The following KDM2B variants were observed in gnomAD, a reference collection of about 807,000 sequenced individuals.
The protein encoded by KDM2B is lysine demethylase 2B.
In KDM2B, 26 loss-of-function variants were observed where a neutral mutation model predicts 150.0. The ratio of observed to expected loss-of-function variants is 0.17; its 90% CI spans 0.13 to 0.24. The LOEUF is 0.24. Among genes scored for constraint, KDM2B ranks in the 10% least tolerant of loss-of-function variants. The pLI is 1.00. For missense variants in KDM2B, 1,265 were observed against 1,816.9 expected, an observed-to-expected ratio of 0.70 and a Z score of 5.52; for synonymous variants, 734 against 729.5, an observed-to-expected ratio of 1.01 and a Z score of -0.10.
At chr12:121,448,411 G>A (rs769276567) in intron 13 of KDM2B, among the ~76,000 whole-genome samples, 8 of 149,768 alleles carry the variant, frequency 5.3e-5, no homozygotes, top group South Asian at 2.1e-4. Flanking sequence ...TTTCTAATAC[G>A]GTCAATATTA....
chr12:121,443,541 G>C, intron 17 of KDM2B, 139 bp downstream of exon 17: 1 of 654,390 alleles, frequency 1.5e-6, no homozygotes, highest in Non-Finnish European at 2.7e-6. Context: ...CCAGAACCAC[G>C]AGCCAGAGAT....
chr12:121,467,366 G>A lies in KDM2B; in HGVS notation c.1735-14022C>T, dbSNP rs1171201509. On this transcript the variant is annotated intron_variant, in intron 12 of 22. Transcript: ENST00000377071. The surrounding 1 kb of genome is among the most constrained non-coding windows in gnomAD (Gnocchi z 5.1). ...AGGAGGGAGCCGCGCCGCGCGCCTC[G>A]CACGCCCGCGCTGGAGGGGGCGGGG... The A allele has an allele frequency of 1.9e-5, 19 of 980,894 alleles. No homozygotes were observed. Among genetic ancestry groups the A allele is most frequent in the Non-Finnish European group, 2.1e-5 (17 of 828,040 alleles). The allele number at this position is 980,894 out of a possible 1,614,324, so 60.8% of individuals were successfully genotyped here.
rs202196843 is a variant in KDM2B at position 121,575,899 on chromosome 12, C to T, written c.272-40G>A. 509 of 1,486,254 alleles carry T rather than the reference C, an allele frequency of 3.4e-4. No homozygotes were observed. The highest frequency in any genetic ancestry group is 4.2e-4 in the Non-Finnish European group (451 of 1,063,794). The allele number at this position is 1,486,254 out of a possible 1,614,324, so 92.1% of individuals were successfully genotyped here. On this transcript the variant is annotated intron_variant, in intron 2 of 22. Coordinates refer to ENST00000377071, the MANE Select transcript of KDM2B (RefSeq NM_032590.5). The surrounding 1 kb of genome is among the most constrained non-coding windows in gnomAD (Gnocchi z 4.4). ...GAATTAAAACAAGTTGGTTAAGTCA[C>T]GAAGGAGCAAATGAACCGGGATCTG... is the stretch of plus-strand genomic sequence containing the variant.
chr12:121,445,112 C>G (rs1335484825), intron 14 of KDM2B, 163 bp downstream of exon 14: 1 of 727,728 alleles, frequency 1.4e-6, no homozygotes, highest in African/African-American at 1.8e-5. Flanking sequence ...GTACTCCAGG[C>G]CCTCCTTGCC....
chr12:121,505,819 C>T (rs534792144), intron 11 of KDM2B, among the ~76,000 whole-genome samples: 4 of 152,242 alleles, frequency 2.6e-5, no homozygotes, highest in South Asian at 2.1e-4. Context: ...AACTGGGCAT[C>T]GGCTATGAAT....
chr12:121,548,856 C>A (rs749824179), intron 6 of KDM2B, 21 bp downstream of exon 6: 3 of 1,598,730 alleles, frequency 1.9e-6, no homozygotes, highest in Non-Finnish European at 2.6e-6. Context: ...CCAGCTCTGG[C>A]CACCAGCCAG....
chr12:121,509,406 G>A (rs1016469702), intron 11 of KDM2B, among the ~76,000 whole-genome samples, 161 bp downstream of exon 11: 1 of 151,780 alleles, frequency 6.6e-6, no homozygotes, highest in African/African-American at 2.4e-5. Context: ...CCCTACATAG[G>A]CTTTTGTGGA....
intron 4 of KDM2B, chr12:121,574,344 A>T: frequency 1.9e-6 from 1 of 524,796 alleles, no homozygotes; most frequent in Non-Finnish European, 3.4e-6. Flanking sequence ...GTACCGGCAA[A>T]CGCCCTCTGA....
chr12:121,482,000 A>T (rs1464088054), intron 12 of KDM2B, among the ~76,000 whole-genome samples: 3 of 151,976 alleles, frequency 2.0e-5, no homozygotes, highest in African/African-American at 7.2e-5. Flanking sequence ...AGGCTGGTCT[A>T]GAACTCCTGA....
intron 11 of KDM2B, among the ~76,000 whole-genome samples, chr12:121,509,024 AG>A (rs1439053930): frequency 9.9e-5 from 15 of 152,146 alleles, no homozygotes; most frequent in African/African-American, 2.9e-4. Context: ...AAAACTCGTC[AG>A]CCACAGAGTG....
chr12:121,469,157 A>G (rs1189477393), intron 12 of KDM2B: 1 of 151,270 alleles, frequency 6.6e-6, no homozygotes, highest in East Asian at 2.0e-4. Flanking sequence ...CAGCCTCCCA[A>G]AGTGCTGGGA....
In KDM2B at chr12:121,453,399, C is replaced by A. The variant is rs537735471; in HGVS notation, c.1735-55G>T. 6 of 1,419,220 alleles carry A rather than the reference C, an allele frequency of 4.2e-6. No homozygotes were observed. Among genetic ancestry groups the A allele is most frequent in the African/African-American group, 2.8e-5 (2 of 70,524 alleles). 87.9% of individuals were successfully genotyped at this position (1,419,220 alleles called of 1,614,324 possible). The stretch of plus-strand genomic sequence containing the variant: ...TGGGGAGACTGCAGGCACGGCCAGA[C>A]CCCCGGAAAGGGTGTTAGGGAGCAA... On this transcript the variant is annotated intron_variant, in intron 12 of 22. Transcript: ENST00000377071. This position sits in a 1 kb window ranked among gnomAD's most constrained non-coding sequence, Gnocchi z 6.4.
the KDM2B span, chr12:121,416,014 G>T: frequency 1.6e-6 from 1 of 615,264 alleles, no homozygotes; most frequent in Non-Finnish European, 2.9e-6. Context: ...TTTCCAAATG[G>T]CTTGAAATTT....
chr12:121,462,557 A>G (rs1879259115), intron 12 of KDM2B, among the ~76,000 whole-genome samples: 1 of 151,596 alleles, frequency 6.6e-6, no homozygotes, highest in Non-Finnish European at 1.5e-5. Flanking sequence ...GCAGTGGCAC[A>G]ATCTCAGCTC....
the KDM2B span, chr12:121,415,205 T>A: frequency 4.6e-6 from 1 of 217,466 alleles, no homozygotes; most frequent in Non-Finnish European, 1.0e-5. Context: ...CAAAAAAATC[T>A]AGAGAGAGTT....
chr12:121,548,819 C>T, intron 6 of KDM2B, 58 bp downstream of exon 6: 1 of 1,366,240 alleles, frequency 7.3e-7, no homozygotes, highest in Non-Finnish European at 1.0e-6. Flanking sequence ...CACCTCCCCA[C>T]CTCCCCAAGC....
Position 121,467,387 on chromosome 12 carries a change from C to T in KDM2B, c.1735-14043G>A, listed in dbSNP as rs1880186887. On this transcript the variant is annotated intron_variant, in intron 12 of 22. Coordinates refer to ENST00000377071, the MANE Select transcript of KDM2B (RefSeq NM_032590.5). This position sits in a 1 kb window ranked among gnomAD's most constrained non-coding sequence, Gnocchi z 5.1. ...CCTCGCACGCCCGCGCTGGAGGGGG[C>T]GGGGAGGGGCCGGCGGGGGAGGGCC... 1.0e-5 allele frequency: 10 copies of T among 974,528 alleles called. No individual in the cohort carries two copies. Among genetic ancestry groups the T allele is most frequent in the Non-Finnish European group, 1.2e-5 (10 of 822,660 alleles). 60.4% of individuals were successfully genotyped at this position (974,528 alleles called of 1,614,324 possible). A position where few individuals can be genotyped will look rare whatever the true frequency, so the allele number is the denominator to read the frequency against.
chr12:121,450,724 G>T (rs1162187497), intron 13 of KDM2B, among the ~76,000 whole-genome samples: 1 of 152,156 alleles, frequency 6.6e-6, no homozygotes, highest in African/African-American at 2.4e-5. Context: ...GCCAGGCGTG[G>T]TGGCGGGCAC....
Position 121,549,693 on chromosome 12 carries a change from T to A in KDM2B, c.398-55A>T, listed in dbSNP as rs1889333499. On this transcript the variant is annotated intron_variant, in intron 4 of 22. Coordinates refer to ENST00000377071, the MANE Select transcript of KDM2B (RefSeq NM_032590.5). The surrounding 1 kb of genome is among the most constrained non-coding windows in gnomAD (Gnocchi z 4.4). The stretch of plus-strand genomic sequence containing the variant: ...CCTGCCGGCTTAAGGCTCCAGATCC[T>A]ACATGGGAGCCCCTCACTAAACAAA... The A allele has an allele frequency of 2.8e-5, 41 of 1,461,578 alleles. 1 individual carries two copies. The South Asian group carries it at 5.6e-4, about 20-fold the overall frequency. 90.5% of individuals were successfully genotyped at this position (1,461,578 alleles called of 1,614,324 possible).
Sources: gnomAD v4.1 joint callset for allele counts (sites outside exome capture counted in the v4.1 genomes callset) on GRCh38, gnomAD v4.1.1 for gene constraint, Gnocchi (gnomAD v3.1) non-coding constraint, MANE v1.5 for transcripts, NCBI Gene and HGNC (gene_info 2026-07-23, HGNC 2026-07-21) for gene names.